The following EFCAB6 variants were observed in gnomAD, a reference collection of about 807,000 sequenced individuals.
EFCAB6 encodes EF-hand calcium binding domain 6.
EFCAB6 carries 156 observed loss-of-function variants against 169.8 expected under a neutral mutation model. That is an observed-to-expected ratio of 0.92 (90% CI 0.81 to 1.05). The LOEUF (loss-of-function observed/expected upper bound fraction) is 1.05. EFCAB6 is among the 50% of genes least tolerant of loss of function. The probability of loss-of-function intolerance (pLI) is 0.00; values close to 1 mark genes in which losing one functional copy is unlikely to be tolerated. For synonymous variants in EFCAB6, 698 were observed against 676.4 expected (o/e 1.03, Z -0.50); for missense variants, 1,800 against 1,829.1 (o/e 0.98, Z 0.29).
chr22:43,534,778 G>A lies in EFCAB6; in HGVS notation c.4143C>T (p.Tyr1381=), dbSNP rs914453637. 3 of 1,614,052 alleles carry A rather than the reference G, an allele frequency of 1.9e-6. No individual in the cohort carries two copies. The highest frequency in any genetic ancestry group is 1.7e-6 in the Non-Finnish European group (2 of 1,180,008). Residue 1381 remains tyrosine, a synonymous_variant, in exon 30 of 32, where the codon TAC becomes TAT. Coordinates refer to ENST00000262726, the MANE Select transcript of EFCAB6 (RefSeq NM_022785.4). ...GGACACAGCTCTGAATGAAGTCACA[G>A]TATGCAAATTTCCCGTTGCTCTTTA... ...YDLKSNGKFA[Y]CDFIQSCVLL...
In EFCAB6 at chr22:43,737,204, A is replaced by G. The variant is rs188634437; in HGVS notation, c.508-1211T>C. Among the ~76,000 whole-genome samples, 4 of 152,206 alleles carry G rather than the reference A, an allele frequency of 2.6e-5. No homozygotes were observed. The East Asian group carries it at 5.8e-4, about 22-fold the overall frequency. ...TCCCTGGCTCTCCTAACTTGAGACC[A>G]TTAACTCCAGCAGGACGGGTGCTGC... On this transcript the variant is annotated intron_variant, in intron 6 of 31. Coordinates refer to ENST00000262726, the MANE Select transcript of EFCAB6 (RefSeq NM_022785.4).
chr22:43,802,934 T>C (rs1172727045), intron 2 of EFCAB6, among the ~76,000 whole-genome samples: 1 of 152,248 alleles, frequency 6.6e-6, no homozygotes, highest in Non-Finnish European at 1.5e-5. Context: ...ACTAATAGAA[T>C]GTCTTCAAAA....
At chr22:43,631,969 G>A (rs1167816905) in intron 19 of EFCAB6, 136 bp downstream of exon 19, 1 of 1,291,252 alleles carries the variant, frequency 7.7e-7, no homozygotes, top group East Asian at 2.5e-5. Flanking sequence ...CCAATGCTGG[G>A]TCTGCAGAGG....
At chr22:43,694,923 T>C (rs2058519868) in intron 10 of EFCAB6, among the ~76,000 whole-genome samples, 1 of 152,022 alleles carries the variant, frequency 6.6e-6, no homozygotes, top group Non-Finnish European at 1.5e-5. Flanking sequence ...ATGTCTAATA[T>C]CACCATTTCT....
Position 43,635,295 on chromosome 22 carries a change from G to A in EFCAB6, c.1984-79C>T. On this transcript the variant is annotated intron_variant, in intron 17 of 31. Coordinates refer to ENST00000262726, the MANE Select transcript of EFCAB6 (RefSeq NM_022785.4). ...TACTCCCAGAGCACCTCCTGCCCCT[G>A]TGCTGGCTCACAGCAGGGCTCATGA... 1.4e-5 allele frequency: 15 copies of A among 1,034,908 alleles called. No individual in the cohort carries two copies. The South Asian group carries it at 1.9e-4, about 13-fold the overall frequency. 64.1% of individuals were successfully genotyped at this position (1,034,908 alleles called of 1,614,324 possible). A position where few individuals can be genotyped will look rare whatever the true frequency, so the allele number is the denominator to read the frequency against.
At chr22:43,576,831 A>G (rs750082173) in intron 25 of EFCAB6, among the ~76,000 whole-genome samples, 5 of 152,206 alleles carry the variant, frequency 3.3e-5, no homozygotes, top group Non-Finnish European at 7.4e-5. Flanking sequence ...TTTACAGAGC[A>G]GAGCAGAGAG....
chr22:43,583,456 T>C (rs373720465), intron 24 of EFCAB6, among the ~76,000 whole-genome samples: 9 of 151,930 alleles, frequency 5.9e-5, no homozygotes, highest in Admixed American at 6.6e-5. Flanking sequence ...AAGGCAGATA[T>C]CATAAAGAAA....
At chr22:43,687,229 G>T (rs996744958) in intron 11 of EFCAB6, among the ~76,000 whole-genome samples, 1 of 152,192 alleles carries the variant, frequency 6.6e-6, no homozygotes, top group African/African-American at 2.4e-5. Context: ...AGTTCAGATT[G>T]TATCATCTTA....
chr22:43,752,217 A>T (rs796306158), intron 6 of EFCAB6, among the ~76,000 whole-genome samples: 12 of 148,942 alleles, frequency 8.1e-5, no homozygotes, highest in African/African-American at 3.0e-4. Context: ...TCCTGGATCC[A>T]AGTGATTCTC....
chr22:43,796,437 T>C (rs754034465), intron 2 of EFCAB6, among the ~76,000 whole-genome samples: 21 of 152,332 alleles, frequency 1.4e-4, no homozygotes, highest in African/African-American at 5.1e-4. Flanking sequence ...AAAAAGCTTA[T>C]ACTGTTTTGT....
Position 43,589,280 on chromosome 22 carries a change from C to CAAAAAAAAA in EFCAB6, c.3032+785_3032+793dup, listed in dbSNP as rs1163346832. 1.6e-3 allele frequency among the ~76,000 whole-genome samples: 129 copies of CAAAAAAAAA among 80,914 alleles called. 2 individuals are homozygous for CAAAAAAAAA. Among genetic ancestry groups the CAAAAAAAAA allele is most frequent in the Non-Finnish European group, 2.5e-3 (105 of 41,650 alleles). The allele number at this position is 80,914 out of a possible 152,430, so 53.1% of individuals were successfully genotyped here. A position where few individuals can be genotyped will look rare whatever the true frequency, so the allele number is the denominator to read the frequency against. The stretch of plus-strand genomic sequence containing the variant: ...TGGGTAACAGAGGGAGACTTCATGT[C>CAAAAAAAAA]AAAAAAAAAAAAAAAAAAAAAAAAA... On this transcript the variant is annotated intron_variant, in intron 24 of 31. Coordinates refer to ENST00000262726, the MANE Select transcript of EFCAB6 (RefSeq NM_022785.4).
intron 8 of EFCAB6, among the ~76,000 whole-genome samples, chr22:43,724,291 C>T (rs2059641045): frequency 6.6e-6 from 1 of 152,074 alleles, no homozygotes; most frequent in African/African-American, 2.4e-5. Flanking sequence ...CTTTAGCTTC[C>T]AGTACTTTGT....
chr22:43,530,878 C>T lies in EFCAB6; in HGVS notation c.4320G>A (p.Arg1440=). Residue 1440 remains arginine (R), a synonymous_variant, in exon 31 of 32, where the codon CGG becomes CGA. Transcript: ENST00000262726. ...CCTCATCATAGCTTTTGAACGTGCG[C>T]CGCATTGGCCTCCAGCAGTGCACAA... is the stretch of plus-strand genomic sequence containing the variant. ...PKIVHCWRPM[R]RTFKSYDEAG... is the part of the protein sequence containing the mutation. 1 of 1,614,240 alleles carries T rather than the reference C, an allele frequency of 6.2e-7. No individual in the cohort carries two copies. Among genetic ancestry groups the T allele is most frequent in the African/African-American group, 1.3e-5 (1 of 75,076 alleles).
In EFCAB6 at chr22:43,667,136, T is replaced by A. The variant is rs925334569; in HGVS notation, c.1951A>T (p.Asn651Tyr). The part of the protein sequence containing the change: ...KRFLDFSKEP[N>Y]GKINVHDFKK... ...AAGTCATGCACGTTAATTTTTCCAT[T>A]AGGCTCCTTGCTGAAGTCAAGAAAT... Residue 651 changes from asparagine (N) to tyrosine (Y), a missense_variant, in exon 17 of 32, where the codon AAT (asparagine) becomes TAT (tyrosine). Coordinates refer to ENST00000262726, the MANE Select transcript of EFCAB6 (RefSeq NM_022785.4). 5.6e-6 allele frequency: 9 copies of A among 1,613,958 alleles called. No homozygotes were observed. The African/African-American group carries it at 1.1e-4, about 19-fold the overall frequency.
rs1413637498 is a variant in EFCAB6, at chr22:43,590,130, C to A, written c.2976G>T (p.Val992=). The change falls in exon 24 of 32, where the codon GTG becomes GTT. Residue 992 remains valine (V), a synonymous_variant. Coordinates refer to ENST00000262726, the MANE Select transcript of EFCAB6 (RefSeq NM_022785.4). ...NYISICKMQE[V]LEECGCSLTE... The stretch of plus-strand genomic sequence containing the variant: ...TAAGAGAACATCCACATTCTTCCAG[C>A]ACTTCCTGCATCTTGCATATGGATA... The A allele has an allele frequency of 6.2e-7, 1 of 1,614,054 alleles. No homozygotes were observed. Among genetic ancestry groups the A allele is most frequent in the Non-Finnish European group, 8.5e-7 (1 of 1,180,026 alleles).
At chr22:43,786,726 A>G (rs1476612219) in intron 2 of EFCAB6, among the ~76,000 whole-genome samples, 1 of 151,948 alleles carries the variant, frequency 6.6e-6, no homozygotes, top group African/African-American at 2.4e-5. Flanking sequence ...AAATAAATAA[A>G]TAAAATAAAA....
Position 43,784,511 on chromosome 22 carries a change from A to ATGTGTGTGTG in EFCAB6, c.-7-2196_-7-2187dup, listed in dbSNP as rs370724337. Among the ~76,000 whole-genome samples, 130 of 91,380 alleles carry ATGTGTGTGTG rather than the reference A, an allele frequency of 1.4e-3. 7 individuals carry two copies. The South Asian group carries it at 0.022, about 15-fold the overall frequency. The allele number at this position is 91,380 out of a possible 152,430, so 59.9% of individuals were successfully genotyped here. The stretch of plus-strand genomic sequence containing the variant: ...ACCAAAAAAAAAAAAAAATATATAT[A>ATGTGTGTGTG]TGTGTGTGTGTGTGTGTGTGTGTGT... On this transcript the variant is annotated intron_variant, in intron 2 of 31. Transcript: ENST00000262726.
Position 43,615,937 on chromosome 22 carries a change from A to T in EFCAB6, c.2466-15T>A. 6.2e-7 allele frequency: 1 copy of T among 1,600,168 alleles called. No homozygotes were observed. The highest frequency in any genetic ancestry group is 8.5e-7 in the Non-Finnish European group (1 of 1,172,310). On this transcript the variant is annotated splice_polypyrimidine_tract_variant and intron_variant, in intron 20 of 31. Transcript: ENST00000262726. ...TCTGTTTTGGTCTTAAAAGAAAAAA[A>T]ATAATAAATAACTGTGTTTAAATTT... is the stretch of plus-strand genomic sequence containing the variant.
rs2054713365 is a variant in EFCAB6, at chr22:43,628,812, A to G, written c.2233-2133T>C. Among the ~76,000 whole-genome samples the G allele has an allele frequency of 6.6e-6, 1 of 151,636 alleles. No homozygotes were observed. Among genetic ancestry groups the G allele is most frequent in the Non-Finnish European group, 1.5e-5 (1 of 67,952 alleles). On this transcript the variant is annotated intron_variant, in intron 19 of 31. Transcript: ENST00000262726. The surrounding 1 kb of genome is among the most constrained non-coding windows in gnomAD (Gnocchi z 4.8). Reference sequence around the variant, plus strand: ...GATCCTCTACTTTTCTCTTTGGCACATGTCACCACCTGATCTAGTAGAGGT... The same window carrying G: ...GATCCTCTACTTTTCTCTTTGGCACGTGTCACCACCTGATCTAGTAGAGGT...
Sources: allele counts gnomAD v4.1 joint callset (sites outside exome capture counted in the v4.1 genomes callset), GRCh38; gene constraint gnomAD v4.1.1; non-coding constraint Gnocchi (gnomAD v3.1); transcripts MANE v1.5; gene names NCBI Gene and HGNC (gene_info 2026-07-23, HGNC 2026-07-21).